The following SIK2 variants were observed in gnomAD, a reference collection of about 807,000 sequenced individuals.
SIK2 encodes salt inducible kinase 2.
Under a neutral mutation model 103.2 loss-of-function variants are expected in SIK2, and 29 were observed. That is an observed-to-expected ratio of 0.28 (90% CI 0.21 to 0.38). The LOEUF (loss-of-function observed/expected upper bound fraction) is 0.38, where lower values mean the gene tolerates loss of function less well. Among genes scored for constraint, SIK2 ranks in the 10% least tolerant of loss-of-function variants. The probability of loss-of-function intolerance (pLI) is 1.00; values close to 1 mark genes in which losing one functional copy is unlikely to be tolerated. For synonymous variants in SIK2, 412 were observed against 446.1 expected, an observed-to-expected ratio of 0.92 and a Z score of 0.96; for missense variants, 879 against 1,171.0, an observed-to-expected ratio of 0.75 and a Z score of 3.64.
chr11:111,638,493 G>A (rs1942139853), intron 3 of SIK2, among the ~76,000 whole-genome samples: 1 of 152,124 alleles, frequency 6.6e-6, no homozygotes, highest in African/African-American at 2.4e-5. Flanking sequence ...ATTCTACTAT[G>A]TAAATTATAT....
At chr11:111,675,872 G>A (rs1484733127) in intron 3 of SIK2, among the ~76,000 whole-genome samples, 2 of 152,142 alleles carry the variant, frequency 1.3e-5, no homozygotes, top group Non-Finnish European at 2.9e-5. Flanking sequence ...GCATGTACCT[G>A]TTAGGCCATC....
intron 4 of SIK2, among the ~76,000 whole-genome samples, chr11:111,694,810 T>TC: frequency 6.6e-6 from 1 of 152,314 alleles, no homozygotes; most frequent in South Asian, 2.1e-4. Flanking sequence ...GATTTTTTTT[T>TC]CCCTCTTCAT....
At chr11:111,629,288 A>C (rs1339662793) in intron 3 of SIK2, among the ~76,000 whole-genome samples, 1 of 152,200 alleles carries the variant, frequency 6.6e-6, no homozygotes, top group Non-Finnish European at 1.5e-5. Flanking sequence ...GTACTGAAAG[A>C]TTCAGTAATT....
At chr11:111,607,395 G>A (rs1281139552) in intron 1 of SIK2, among the ~76,000 whole-genome samples, 1 of 152,148 alleles carries the variant, frequency 6.6e-6, no homozygotes, top group Non-Finnish European at 1.5e-5. Flanking sequence ...CATTTTTATA[G>A]CAAAGTCAGA....
chr11:111,657,168 GA>G (rs1352987132), intron 3 of SIK2, among the ~76,000 whole-genome samples: 2 of 152,178 alleles, frequency 1.3e-5, no homozygotes, highest in Non-Finnish European at 2.9e-5. Flanking sequence ...ATTGGAACTT[GA>G]AGGACTATTG....
At chr11:111,703,181 T>C (rs868199894) in intron 6 of SIK2, 22 bp from the exon 7 acceptor site, 4 of 1,609,368 alleles carry the variant, frequency 2.5e-6, no homozygotes, top group South Asian at 1.1e-5. Flanking sequence ...TTGTGACTTT[T>C]GTAACATTGT....
At chr11:111,689,681 G>A (rs2135897128) in intron 4 of SIK2, among the ~76,000 whole-genome samples, 1 of 152,288 alleles carries the variant, frequency 6.6e-6, no homozygotes, top group Admixed American at 6.5e-5. Context: ...AACTTAGTAA[G>A]TTTAGGGACA....
chr11:111,677,880 G>C (rs948408646), intron 3 of SIK2, among the ~76,000 whole-genome samples: 2 of 152,180 alleles, frequency 1.3e-5, no homozygotes, highest in African/African-American at 4.8e-5. Flanking sequence ...GGACTGTACA[G>C]ATTATTAACC....
At chr11:111,672,253 T>TCC (rs1159153757) in intron 3 of SIK2, 7 of 356,026 alleles carry the variant, frequency 2.0e-5, no homozygotes, top group Non-Finnish European at 3.1e-5. Context: ...TGCTGGCACT[T>TCC]AGGCCACCCA....
At chr11:111,686,357 C>G (rs1736685124) in intron 3 of SIK2, among the ~76,000 whole-genome samples, 1 of 152,118 alleles carries the variant, frequency 6.6e-6, no homozygotes, top group Non-Finnish European at 1.5e-5. Flanking sequence ...ATGAGAATTG[C>G]TTGAACCTGG....
In SIK2 at chr11:111,729,093, GCA is replaced by G. The variant is rs952224949; in HGVS notation, c.*4965_*4966del. The G allele has an allele frequency of 6.6e-6, 1 of 152,240 alleles. No individual in the cohort carries two copies. The highest frequency in any genetic ancestry group is 2.4e-5 in the African/African-American group (1 of 41,452). The allele number at this position is 152,240 out of a possible 1,614,324, so 9.4% of individuals were successfully genotyped here. On this transcript the variant is annotated 3_prime_UTR_variant, in exon 15 of 15. Transcript: ENST00000304987. ...GGCCCTTGGTGGCAGGTGAACGAAA[GCA>G]GTGGAGCCTCTCACCTTCCAGTAGC...
At chr11:111,696,012 T>C (rs1468971680) in intron 4 of SIK2, among the ~76,000 whole-genome samples, 5 of 152,222 alleles carry the variant, frequency 3.3e-5, no homozygotes, top group Non-Finnish European at 5.9e-5. Context: ...TGTTCAGATA[T>C]ATCCTTGGTC....
rs189948749 is a variant in SIK2 at position 111,619,961 on chromosome 11, A to T, written c.253-378A>T. 7.1e-3 allele frequency among the ~76,000 whole-genome samples: 1,088 copies of T among 152,340 alleles called. 7 individuals are homozygous for T. The highest frequency in any genetic ancestry group is 0.013 in the Non-Finnish European group (881 of 68,028). ...CGTCAGTGAGGAGATGTTGAAAAGTAGATCTTCAAAACTTATATTATCTAT... is the reference window on the plus strand; with the variant it reads ...CGTCAGTGAGGAGATGTTGAAAAGTTGATCTTCAAAACTTATATTATCTAT... On this transcript the variant is annotated intron_variant, in intron 2 of 14. Transcript: ENST00000304987.
rs755454146 is a variant in SIK2, at chr11:111,705,186, A to C, written c.1101+47A>C. ...GTCTTATCTGTGCATGTGCCTGTTC[A>C]CATGTTTGATACATTTTTCATCTTA... On this transcript the variant is annotated intron_variant, in intron 8 of 14. Transcript: ENST00000304987. The surrounding 1 kb of genome is among the most constrained non-coding windows in gnomAD (Gnocchi z 4.3). The C allele has an allele frequency of 6.8e-7, 1 of 1,475,084 alleles. No homozygotes were observed. Among genetic ancestry groups the C allele is most frequent in the South Asian group, 1.5e-5 (1 of 66,626 alleles). 91.4% of individuals were successfully genotyped at this position (1,475,084 alleles called of 1,614,324 possible).
rs1943817945 is a variant in SIK2 at position 111,722,033 on chromosome 11, A to C, written c.2055+93A>C. 1 of 956,258 alleles carries C rather than the reference A, an allele frequency of 1.0e-6. No homozygotes were observed. Among genetic ancestry groups the C allele is most frequent in the Non-Finnish European group, 1.5e-6 (1 of 671,200 alleles). 59.2% of individuals were successfully genotyped at this position (956,258 alleles called of 1,614,324 possible). A position where few individuals can be genotyped will look rare whatever the true frequency, so the allele number is the denominator to read the frequency against. On this transcript the variant is annotated intron_variant, in intron 13 of 14. Coordinates refer to ENST00000304987, the MANE Select transcript of SIK2 (RefSeq NM_015191.3). This position sits in a 1 kb window ranked among gnomAD's most constrained non-coding sequence, Gnocchi z 4.4. ...AACGTGTTTTGCCTGGCATTTATTT[A>C]GGGTAGCTGCTTGATTCCTTATAGG...
intron 3 of SIK2, among the ~76,000 whole-genome samples, chr11:111,630,425 C>T (rs1942022100): frequency 6.6e-6 from 1 of 151,950 alleles, no homozygotes; most frequent in Admixed American, 6.6e-5. Flanking sequence ...ACAATTACCT[C>T]ATATAGTTAA....
At chr11:111,603,127 G>T (rs529322596) in intron 1 of SIK2, among the ~76,000 whole-genome samples, 1 of 152,134 alleles carries the variant, frequency 6.6e-6, no homozygotes, top group African/African-American at 2.4e-5. Flanking sequence ...AGACGTCGCC[G>T]GCCCGAGGAG....
intron 4 of SIK2, among the ~76,000 whole-genome samples, chr11:111,691,624 G>A (rs1206282328): frequency 6.6e-6 from 1 of 152,114 alleles, no homozygotes; most frequent in Non-Finnish European, 1.5e-5. Context: ...ATCATTCTAT[G>A]GTTGTACATT....
chr11:111,658,388 A>G (rs1018085169), intron 3 of SIK2, among the ~76,000 whole-genome samples: 2 of 152,102 alleles, frequency 1.3e-5, no homozygotes, highest in Non-Finnish European at 2.9e-5. Flanking sequence ...CTCCCACCAA[A>G]GTGCTGGGAT....
Sources: allele counts gnomAD v4.1 joint callset (sites outside exome capture counted in the v4.1 genomes callset), GRCh38; gene constraint gnomAD v4.1.1; non-coding constraint Gnocchi (gnomAD v3.1); transcripts MANE v1.5; gene names NCBI Gene and HGNC (gene_info 2026-07-23, HGNC 2026-07-21).